FANCL: variants seen among roughly 807,000 people sequenced by gnomAD.
The protein encoded by FANCL is E3 ubiquitin-protein ligase FANCL.
FANCL carries 69 observed loss-of-function variants against 59.4 expected under a neutral mutation model. The observed-to-expected ratio is 1.16, with a 90% CI of 0.96 to 1.42. The LOEUF (loss-of-function observed/expected upper bound fraction) is 1.42, where lower values mean the gene tolerates loss of function less well. Among genes scored for constraint, FANCL ranks in the 40% most tolerant of loss-of-function variants. FANCL has a pLI of 0.00. For missense variants in FANCL, 519 were observed against 447.2 expected (o/e 1.16, Z -1.45); for synonymous variants, 180 against 147.1 (o/e 1.22, Z -1.62).
At chr2:58,241,078 G>T in intron 1 of FANCL, 140 bp downstream of exon 1, 1 of 832,636 alleles carries the variant, frequency 1.2e-6, no homozygotes, top group Non-Finnish European at 2.0e-6. Flanking sequence ...CAAACCTTTA[G>T]TCTCCCAAGA....
intron 6 of FANCL, among the ~76,000 whole-genome samples, chr2:58,201,267 T>G (rs993695632): frequency 2.6e-5 from 4 of 151,514 alleles, no homozygotes; most frequent in African/African-American, 9.7e-5. Flanking sequence ...CAACAAAAGC[T>G]CCATATCATA....
intron 7 of FANCL, among the ~76,000 whole-genome samples, chr2:58,174,683 G>A: frequency 6.6e-6 from 1 of 152,064 alleles, no homozygotes; most frequent in African/African-American, 2.4e-5. Flanking sequence ...ACAAGAGAAA[G>A]CAGCAAAGAT....
chr2:58,164,322 A>G (rs1016142168), intron 8 of FANCL, among the ~76,000 whole-genome samples: 1 of 152,072 alleles, frequency 6.6e-6, no homozygotes, highest in East Asian at 1.9e-4. Context: ...TGGCATCAAC[A>G]TAAATGCAGT....
intron 1 of FANCL, 99 bp downstream of exon 1, chr2:58,241,119 C>A (rs1467648647): frequency 8.5e-6 from 11 of 1,300,322 alleles, no homozygotes; most frequent in Non-Finnish European, 1.2e-5. Flanking sequence ...TCAATCCCCA[C>A]AAGTCTGGGC....
At chr2:58,178,421 T>C (rs1215559960) in intron 7 of FANCL, among the ~76,000 whole-genome samples, 1 of 152,140 alleles carries the variant, frequency 6.6e-6, no homozygotes, top group Non-Finnish European at 1.5e-5. Flanking sequence ...TCAAGGCTGG[T>C]TCAACATAAG....
chr2:58,182,626 C>G (rs1234611156), intron 7 of FANCL, among the ~76,000 whole-genome samples: 1 of 151,704 alleles, frequency 6.6e-6, no homozygotes, highest in African/African-American at 2.4e-5. Flanking sequence ...TTAAAATAGT[C>G]AATTTGTAAC....
chr2:58,179,686 A>C (rs1025377008), intron 7 of FANCL, among the ~76,000 whole-genome samples: 3 of 152,236 alleles, frequency 2.0e-5, no homozygotes, highest in African/African-American at 7.2e-5. Context: ...CAAAGACTTC[A>C]TGACTAAAAC....
At chr2:58,209,319 G>C (rs1293611802) in intron 5 of FANCL, among the ~76,000 whole-genome samples, 1 of 152,084 alleles carries the variant, frequency 6.6e-6, no homozygotes, top group Non-Finnish European at 1.5e-5. Context: ...TCAAACAATA[G>C]CTGAAAGCAA....
At chr2:58,193,165 C>T (rs987545059) in intron 7 of FANCL, among the ~76,000 whole-genome samples, 27 of 151,850 alleles carry the variant, frequency 1.8e-4, no homozygotes, top group Admixed American at 1.7e-3. Flanking sequence ...GCTGGATAAA[C>T]GTAAACCCAA....
rs1290466794 is a variant in FANCL at position 58,163,078 on chromosome 2, C to T, written c.776-4G>A. The stretch of plus-strand genomic sequence containing the variant: ...TTAATTCCCAGGGGTTTTACCACTT[C>T]AGATTAAAAAAAAAAAATTTAATAA... On this transcript the variant is annotated splice_polypyrimidine_tract_variant and splice_region_variant and intron_variant, in intron 9 of 13. Coordinates refer to ENST00000233741, the MANE Select transcript of FANCL (RefSeq NM_018062.4). The T allele has an allele frequency of 6.2e-7, 1 of 1,606,166 alleles. No individual in the cohort carries two copies. Among genetic ancestry groups the T allele is most frequent in the Non-Finnish European group, 8.5e-7 (1 of 1,176,166 alleles).
chr2:58,175,858 C>T (rs367789171), intron 7 of FANCL, among the ~76,000 whole-genome samples: 49 of 151,432 alleles, frequency 3.2e-4, no homozygotes, highest in South Asian at 1.0e-3. Flanking sequence ...TGTTTGCAGA[C>T]GACATGATTG....
chr2:58,208,310 T>C (rs560923095), intron 5 of FANCL, among the ~76,000 whole-genome samples: 1 of 152,282 alleles, frequency 6.6e-6, no homozygotes, highest in Admixed American at 6.5e-5. Flanking sequence ...AAAGCAAATA[T>C]AAAACTGAAG....
chr2:58,234,716 A>G (rs113884099), intron 1 of FANCL, among the ~76,000 whole-genome samples: 3,025 of 152,192 alleles, frequency 0.02, 117 homozygotes, highest in African/African-American at 0.069. Flanking sequence ...AAATAAGAAA[A>G]AAGTCCAGAG....
intron 5 of FANCL, among the ~76,000 whole-genome samples, chr2:58,212,133 T>C (rs1691222583): frequency 6.6e-6 from 1 of 152,208 alleles, no homozygotes; most frequent in African/African-American, 2.4e-5. Flanking sequence ...AGAAAGAGGT[T>C]TAATTGGACT....
intron 7 of FANCL, among the ~76,000 whole-genome samples, chr2:58,187,726 CT>C (rs1301386119): frequency 8.6e-5 from 13 of 152,002 alleles, no homozygotes; most frequent in African/African-American, 3.1e-4. Context: ...TTATATAAAG[CT>C]TTAATGGTAG....
intron 3 of FANCL, among the ~76,000 whole-genome samples, chr2:58,229,175 G>GA (rs1199417975): frequency 6.6e-6 from 1 of 151,284 alleles, no homozygotes; most frequent in African/African-American, 2.4e-5. Context: ...AGAAAATCAG[G>GA]AAAAAAACAC....
intron 7 of FANCL, among the ~76,000 whole-genome samples, chr2:58,168,287 A>C (rs991920851): frequency 1.3e-5 from 2 of 152,180 alleles, no homozygotes; most frequent in African/African-American, 2.4e-5. Context: ...TAGTGGGTGC[A>C]GCCCACAGAG....
At chr2:58,165,461 T>A (rs1265892174) in intron 8 of FANCL, among the ~76,000 whole-genome samples, 1 of 152,210 alleles carries the variant, frequency 6.6e-6, no homozygotes, top group Non-Finnish European at 1.5e-5. Context: ...ACGATTCCTG[T>A]GCTAATTAGC....
At chr2:58,226,899 T>C in intron 3 of FANCL, 115 bp from the exon 4 acceptor site, 1 of 817,278 alleles carries the variant, frequency 1.2e-6, no homozygotes, top group Non-Finnish European at 2.0e-6. Flanking sequence ...TATATCTACA[T>C]CTGAAAACTA....
Sources: gnomAD v4.1 joint callset for allele counts (sites outside exome capture counted in the v4.1 genomes callset) on GRCh38, gnomAD v4.1.1 for gene constraint, MANE v1.5 for transcripts, NCBI Gene and HGNC (gene_info 2026-07-23, HGNC 2026-07-21) for gene names.